Variants in TRIM14 observed in about 807,000 individuals in gnomAD.
TRIM14 encodes the protein tripartite motif-containing protein 14.
Under a neutral mutation model 44.5 loss-of-function variants are expected in TRIM14, and 28 were observed. That is an observed-to-expected ratio of 0.63 (90% CI 0.47 to 0.86). The LOEUF (loss-of-function observed/expected upper bound fraction) is 0.86. Ranked by LOEUF, TRIM14 falls within the 40% of genes least tolerant of loss-of-function variation. The pLI is 0.00. For synonymous variants in TRIM14, 299 were observed against 269.2 expected (o/e 1.11, Z -1.08); for missense variants, 607 against 611.1 (o/e 0.99, Z 0.07).
rs1825825941 is a variant in TRIM14 at position 98,087,561 on chromosome 9, T to G, written c.1238A>C (p.His413Pro). Reference sequence around the variant, plus strand: ...GAACGTGGCGCGGAAGGTATGCAGGTGGCTCATGCCGCCCGTCACGTCGTA... The same window carrying G: ...GAACGTGGCGCGGAAGGTATGCAGGGGGCTCATGCCGCCCGTCACGTCGTA... ...AFYDVTGGMS[H>P]LHTFRATFQE... The change falls in exon 6 of 6, where the codon CAC becomes CCC. Residue 413 changes from histidine to proline, a missense_variant. Around this residue, in one of 3 missense-constraint regions of TRIM14, gnomAD observed 356 missense variants for 323.0 expected, o/e 1.10. Transcript: ENST00000341469. 6.3e-7 allele frequency: 1 copy of G among 1,596,476 alleles called. No homozygotes were observed. Among genetic ancestry groups the G allele is most frequent in the Admixed American group, 1.7e-5 (1 of 57,500 alleles).
chr9:98,104,788 TCA>T (rs1036406668), intron 2 of TRIM14, among the ~76,000 whole-genome samples: 2 of 152,170 alleles, frequency 1.3e-5, no homozygotes, highest in Non-Finnish European at 2.9e-5. Flanking sequence ...GATTTTGCAC[TCA>T]GAGTGTGGGC....
the TRIM14 span, chr9:98,056,615 G>GCCCCCGC: frequency 1.6e-4 from 130 of 821,512 alleles, no homozygotes; most frequent in South Asian, 1.1e-3. Flanking sequence ...GGGAGGCCCC[G>GCCCCCGC]CCCCCGCCCC....
the TRIM14 span, among the ~76,000 whole-genome samples, chr9:98,056,463 G>T: frequency 1.3e-5 from 2 of 149,236 alleles, no homozygotes; most frequent in Non-Finnish European, 2.9e-5. Context: ...GCAGCCGTCC[G>T]CCTCCTGCAG....
At chr9:98,081,363 C>T (rs1829853073), downstream of TRIM14, 1 of 456,240 alleles carries the variant, frequency 2.2e-6, no homozygotes, top group African/African-American at 2.0e-5. Flanking sequence ...AGCCCATGGC[C>T]CCAGTACTCC....
At chr9:98,114,690 T>A (rs999346668) in intron 1 of TRIM14, among the ~76,000 whole-genome samples, 1 of 152,206 alleles carries the variant, frequency 6.6e-6, no homozygotes, top group Non-Finnish European at 1.5e-5. Flanking sequence ...ATTTGCTTCA[T>A]CTTTAAGGAA....
At chr9:98,090,932 C>T (rs778260808) in intron 5 of TRIM14, among the ~76,000 whole-genome samples, 19 of 152,196 alleles carry the variant, frequency 1.2e-4, no homozygotes, top group Non-Finnish European at 2.6e-4. Flanking sequence ...TTGATATTCA[C>T]TGTCCCCCTC....
At chr9:98,096,895 C>T (rs1826206241) in intron 3 of TRIM14, among the ~76,000 whole-genome samples, 1 of 152,116 alleles carries the variant, frequency 6.6e-6, no homozygotes, top group South Asian at 2.1e-4. Flanking sequence ...GCTTTCATCC[C>T]TCAGTTCAAA....
At chr9:98,113,481 A>G (rs1359284388) in intron 1 of TRIM14, among the ~76,000 whole-genome samples, 1 of 152,072 alleles carries the variant, frequency 6.6e-6, no homozygotes, top group Non-Finnish European at 1.5e-5. Flanking sequence ...CAGCCCCCCA[A>G]GTAGCTGGGA....
At chr9:98,058,849 G>A in the TRIM14 span, among the ~76,000 whole-genome samples, 1 of 152,164 alleles carries the variant, frequency 6.6e-6, no homozygotes, top group African/African-American at 2.4e-5. Flanking sequence ...ACTTTAGTCA[G>A]GTCAGTCTGG....
At chr9:98,050,220 G>A in the TRIM14 span, among the ~76,000 whole-genome samples, 1 of 152,202 alleles carries the variant, frequency 6.6e-6, no homozygotes, top group Admixed American at 6.5e-5. Flanking sequence ...AAAATCTTTA[G>A]GCTGAACTTA....
intron 6 of TRIM14, among the ~76,000 whole-genome samples, chr9:98,078,838 A>G (rs911839098): frequency 8.6e-5 from 12 of 139,380 alleles, no homozygotes; most frequent in East Asian, 4.0e-4. Context: ...CTCAGGGGGA[A>G]AAAAAAAAAA....
chr9:98,114,456 C>T (rs7860577), intron 1 of TRIM14, among the ~76,000 whole-genome samples: 2 of 152,112 alleles, frequency 1.3e-5, no homozygotes, highest in East Asian at 3.9e-4. Context: ...GCCTCAGCCT[C>T]CCAAGTAGCT....
At chr9:98,054,148 A>G in the TRIM14 span, among the ~76,000 whole-genome samples, 1 of 152,146 alleles carries the variant, frequency 6.6e-6, no homozygotes, top group African/African-American at 2.4e-5. Flanking sequence ...CTTTTTTTTC[A>G]GAGCTCACTG....
chr9:98,101,698 G>A (rs1011202519), intron 2 of TRIM14, among the ~76,000 whole-genome samples: 5 of 152,170 alleles, frequency 3.3e-5, no homozygotes, highest in African/African-American at 9.7e-5. Flanking sequence ...TGGATTACAG[G>A]CATGAGCCAC....
intron 4 of TRIM14, chr9:98,092,488 C>A (rs1235105880): frequency 2.4e-6 from 1 of 417,852 alleles, no homozygotes; most frequent in Non-Finnish European, 4.8e-6. Flanking sequence ...GGCCGCAGCT[C>A]ACTCAGCACC....
downstream of TRIM14, chr9:98,081,402 G>T (rs1378838161): frequency 3.4e-6 from 1 of 290,970 alleles, no homozygotes; most frequent in Non-Finnish European, 6.5e-6. Flanking sequence ...ACAGGAGTGA[G>T]GCCCTGGAAT....
At chr9:98,059,730 G>GTTTT in the TRIM14 span, among the ~76,000 whole-genome samples, 41 of 139,534 alleles carry the variant, frequency 2.9e-4, no homozygotes, top group Non-Finnish European at 5.7e-4. Flanking sequence ...AGTGTTTTTT[G>GTTTT]TTTTTTTTTT....
intron 1 of TRIM14, among the ~76,000 whole-genome samples, chr9:98,116,845 C>CAAAAAAA (rs149202287): frequency 9.9e-6 from 1 of 100,862 alleles, no homozygotes; most frequent in Non-Finnish European, 2.1e-5. Flanking sequence ...CCCTGTGTCT[C>CAAAAAAA]AAAAAAAAAA....
exon 7 of TRIM14, chr9:98,069,664 G>A (rs1259154753): frequency 2.6e-5 from 4 of 152,276 alleles, no homozygotes; most frequent in Non-Finnish European, 5.9e-5. Context: ...GGAACATACT[G>A]TACGATTCTG....
Sources: gnomAD v4.1 joint callset for allele counts (sites outside exome capture counted in the v4.1 genomes callset) on GRCh38, gnomAD v4.1.1 for gene constraint, gnomAD v4.1.1 regional missense constraint, MANE v1.5 for transcripts, NCBI Gene and HGNC (gene_info 2026-07-23, HGNC 2026-07-21) for gene names.